Variants in SUMF2 observed in about 807,000 individuals in gnomAD.
The protein encoded by SUMF2 is inactive C-alpha-formylglycine-generating enzyme 2.
Under a neutral mutation model 44.8 loss-of-function variants are expected in SUMF2, and 45 were observed. That is an observed-to-expected ratio of 1.00 (90% CI 0.79 to 1.29). The LOEUF (loss-of-function observed/expected upper bound fraction) is 1.29. Ranked by LOEUF, SUMF2 falls within the 50% of genes most tolerant of loss-of-function variation. SUMF2 has a pLI of 0.00. For synonymous variants in SUMF2, 148 were observed against 150.4 expected, an observed-to-expected ratio of 0.98 and a Z score of 0.12; for missense variants, 418 against 389.9, an observed-to-expected ratio of 1.07 and a Z score of -0.61.
intron 5 of SUMF2, among the ~76,000 whole-genome samples, chr7:56,075,870 GT>G (rs990961164): frequency 4.6e-5 from 7 of 151,638 alleles, no homozygotes; most frequent in African/African-American, 7.3e-5. Flanking sequence ...TTTGTTTTTT[GT>G]TTTTTGTTTT....
chr7:56,078,543 G>T, intron 8 of SUMF2, 35 bp downstream of exon 8: 2 of 1,513,126 alleles, frequency 1.3e-6, no homozygotes, highest in Non-Finnish European at 1.8e-6. Context: ...ACGGGGCCTT[G>T]TAGCTGGGGG....
the SUMF2 span, among the ~76,000 whole-genome samples, chr7:56,085,754 C>T: frequency 3.3e-5 from 5 of 152,006 alleles, no homozygotes; most frequent in African/African-American, 1.2e-4. Flanking sequence ...CACTTGAGGT[C>T]AGGAGTTCGA....
At chr7:56,074,395 A>C in intron 4 of SUMF2, 177 bp downstream of exon 4, 2 of 975,062 alleles carry the variant, frequency 2.1e-6, no homozygotes, top group Non-Finnish European at 3.0e-6. Flanking sequence ...GTTTCCTGTT[A>C]CCCATCCATT....
At chr7:56,081,957 A>C (rs757583640), downstream of SUMF2, 1 of 1,613,962 alleles carries the variant, frequency 6.2e-7, no homozygotes, top group Non-Finnish European at 8.5e-7. This position sits in a 1 kb window ranked among gnomAD's most constrained non-coding sequence, Gnocchi z 4.6. Context: ...GTTGCCGCTC[A>C]TGATCATCCT....
intron 2 of SUMF2, among the ~76,000 whole-genome samples, chr7:56,069,667 T>C (rs932016848): frequency 2.0e-5 from 3 of 151,978 alleles, no homozygotes; most frequent in African/African-American, 7.3e-5. Flanking sequence ...AGTGGTATGA[T>C]CTCAGCTCGC....
intron 2 of SUMF2, among the ~76,000 whole-genome samples, chr7:56,071,524 C>G (rs557648900): frequency 6.6e-6 from 1 of 151,608 alleles, no homozygotes; most frequent in South Asian, 2.1e-4. Flanking sequence ...CAGTGGCTCA[C>G]ACCTGTAATC....
Position 56,076,910 on chromosome 7 carries a change from T to C in SUMF2, c.591+21T>C. On this transcript the variant is annotated intron_variant, in intron 6 of 8. Coordinates refer to ENST00000434526, the MANE Select transcript of SUMF2 (RefSeq NM_015411.4). ...GGCAGGTAAGACCTACGTTCCTCCT[T>C]TCACCAAGCATTGACAGAGACCTGC... is the stretch of plus-strand genomic sequence containing the variant. 3 of 1,599,658 alleles carry C rather than the reference T, an allele frequency of 1.9e-6. No individual in the cohort carries two copies. In the East Asian group the frequency reaches 6.8e-5, roughly 36 times the overall value.
chr7:56,083,003 G>A, downstream of SUMF2: 1 of 371,608 alleles, frequency 2.7e-6, no homozygotes, highest in Non-Finnish European at 5.0e-6. Flanking sequence ...CTACTCAGGA[G>A]GTTGAGGCAG....
downstream of SUMF2, chr7:56,081,104 C>G: frequency 6.2e-7 from 1 of 1,613,420 alleles, no homozygotes; most frequent in Non-Finnish European, 8.5e-7. The surrounding 1 kb of genome is among the most constrained non-coding windows in gnomAD (Gnocchi z 4.6). Flanking sequence ...GGTGTGTTCT[C>G]GAAAAGGGCT....
At chr7:56,068,178 C>T (rs560648582) in intron 1 of SUMF2, among the ~76,000 whole-genome samples, 29 of 151,462 alleles carry the variant, frequency 1.9e-4, no homozygotes, top group Non-Finnish European at 3.5e-4. Context: ...GGACTACAGG[C>T]GACTGCCACC....
intron 6 of SUMF2, among the ~76,000 whole-genome samples, 157 bp from the exon 7 acceptor site, chr7:56,077,945 G>T (rs1364197155): frequency 1.3e-5 from 2 of 152,040 alleles, no homozygotes; most frequent in African/African-American, 2.4e-5. Flanking sequence ...TAAGGTGATG[G>T]GTTTGGGAGC....
At chr7:56,082,845 C>T (rs762642179), downstream of SUMF2, among the ~76,000 whole-genome samples, 10 of 151,954 alleles carry the variant, frequency 6.6e-5, no homozygotes, top group East Asian at 2.0e-4. Flanking sequence ...TGGTGGCTCA[C>T]GCCTGTAATC....
intron 7 of SUMF2, 59 bp downstream of exon 7, chr7:56,078,245 T>A: frequency 6.3e-7 from 1 of 1,579,324 alleles, no homozygotes; most frequent in South Asian, 1.1e-5. Context: ...GACCATCATG[T>A]CTGAGAGAGG....
downstream of SUMF2, chr7:56,083,294 C>T (rs373331868): frequency 9.0e-5 from 146 of 1,613,798 alleles, 1 homozygote; most frequent in South Asian, 4.4e-4. Flanking sequence ...GCCTCTCTCC[C>T]GGCTCCAGCT....
chr7:56,078,244 G>A, intron 7 of SUMF2, 58 bp downstream of exon 7: 2 of 1,579,332 alleles, frequency 1.3e-6, no homozygotes, highest in Non-Finnish European at 1.7e-6. Context: ...GGACCATCAT[G>A]TCTGAGAGAG....
intron 2 of SUMF2, among the ~76,000 whole-genome samples, chr7:56,071,403 C>A (rs887873914): frequency 6.6e-6 from 1 of 152,062 alleles, no homozygotes; most frequent in African/African-American, 2.4e-5. Flanking sequence ...GCACGAGAAT[C>A]TCTTGAACCC....
At chr7:56,078,647 T>G in intron 8 of SUMF2, 139 bp downstream of exon 8, 1 of 1,078,286 alleles carries the variant, frequency 9.3e-7, no homozygotes, top group Non-Finnish European at 1.2e-6. Context: ...CCTGAGCCTG[T>G]GCCCAGTTGT....
At position 56,078,498 on chromosome 7, in the gene SUMF2, G is replaced by T. The variant is rs115573278; in HGVS notation, c.811G>T (p.Val271Phe). Residue 271 changes from valine (V) to phenylalanine (F), a missense_variant, in exon 8 of 9, where the codon GTC becomes TTC. Coordinates refer to ENST00000434526, the MANE Select transcript of SUMF2 (RefSeq NM_015411.4). ...ADGSANHRAR[V>F]TTRMGNTPDS... ...TGGCTCTGCCAATCACCGGGCCCGG[G>T]TCACCACCAGGTAAGGGGCTTGGTC... The T allele has an allele frequency of 3.9e-5, 62 of 1,573,950 alleles. No individual in the cohort carries two copies. In the East Asian group the frequency reaches 1.1e-3, roughly 29 times the overall value.
chr7:56,087,276 T>C, the SUMF2 span, among the ~76,000 whole-genome samples: 5 of 151,080 alleles, frequency 3.3e-5, no homozygotes, highest in Admixed American at 1.3e-4. Context: ...GGCTGGAGTG[T>C]AATAGTGCAA....
Sources: allele counts gnomAD v4.1 joint callset (sites outside exome capture counted in the v4.1 genomes callset), GRCh38; gene constraint gnomAD v4.1.1; non-coding constraint Gnocchi (gnomAD v3.1); transcripts MANE v1.5; gene names NCBI Gene and HGNC (gene_info 2026-07-23, HGNC 2026-07-21).